The following SCIMP variants were observed in gnomAD, a reference collection of about 807,000 sequenced individuals.
SCIMP encodes SLP adapter and CSK-interacting membrane protein.
Under a neutral mutation model 22.0 loss-of-function variants are expected in SCIMP, and 18 were observed. The observed-to-expected ratio is 0.82, with a 90% CI of 0.56 to 1.21. The LOEUF (loss-of-function observed/expected upper bound fraction) is 1.21, where lower values mean the gene tolerates loss of function less well. Among genes scored for constraint, SCIMP ranks in the 50% most tolerant of loss-of-function variants. The probability of loss-of-function intolerance (pLI) is 0.00; values close to 1 mark genes in which losing one functional copy is unlikely to be tolerated. For synonymous variants in SCIMP, 53 were observed against 62.2 expected, an observed-to-expected ratio of 0.85 and a Z score of 0.70; for missense variants, 155 against 171.2, an observed-to-expected ratio of 0.91 and a Z score of 0.53.
intron 1 of SCIMP, among the ~76,000 whole-genome samples, chr17:5,234,413 C>T (rs755398903): frequency 4.6e-5 from 7 of 150,856 alleles, no homozygotes; most frequent in Non-Finnish European, 8.8e-5. Context: ...TAACTCGTTA[C>T]AGTTGAGACC....
In SCIMP at chr17:5,234,812, G is replaced by C; in HGVS notation, c.-57C>G. 1 of 1,583,190 alleles carries C rather than the reference G, an allele frequency of 6.3e-7. No individual in the cohort carries two copies. The highest frequency in any genetic ancestry group is 8.6e-7 in the Non-Finnish European group (1 of 1,164,220). On this transcript the variant is annotated 5_prime_UTR_variant, in exon 1 of 5. Transcript: ENST00000574081. ...GAGTGCTGCAGCTCAGGCACAGCTG[G>C]TGAGAGGCATTCCTCACTCACAGGC...
At chr17:5,229,889 ACTCCT>A (rs749550279) in intron 1 of SCIMP, among the ~76,000 whole-genome samples, 48 of 80,292 alleles carry the variant, frequency 6.0e-4, no homozygotes, top group Non-Finnish European at 9.1e-4. Flanking sequence ...TCTCCTCTCC[ACTCCT>A]CTCCTCTCCG....
chr17:5,230,548 GA>G (rs576855952), intron 1 of SCIMP, among the ~76,000 whole-genome samples: 19 of 152,250 alleles, frequency 1.2e-4, no homozygotes, highest in African/African-American at 4.6e-4. Flanking sequence ...AGGTGGGAGT[GA>G]ACCCGAGGGC....
chr17:5,231,120 G>T (rs1212691631), intron 1 of SCIMP, among the ~76,000 whole-genome samples: 4 of 152,120 alleles, frequency 2.6e-5, no homozygotes, highest in African/African-American at 9.7e-5. Flanking sequence ...AGCACTTTGG[G>T]AGGCCAAGGT....
At position 5,213,050 on chromosome 17, in the gene SCIMP, A is replaced by G. The variant is rs929110817; in HGVS notation, c.283+1875T>C. On this transcript the variant is annotated intron_variant, in intron 4 of 4. Coordinates refer to ENST00000574081, the MANE Select transcript of SCIMP (RefSeq NM_207103.3). ...CTGAGCTGACATCTGAAGGATGAGG[A>G]AAATCCAGCGAGGCAAAGAGCTTAA... The G allele has an allele frequency of 2.3e-4, 133 of 581,326 alleles. 1 individual carries two copies. In the African/African-American group the frequency reaches 7.1e-3, roughly 31 times the overall value. The allele number at this position is 581,326 out of a possible 1,614,324, so 36.0% of individuals were successfully genotyped here.
chr17:5,215,806 A>G (rs1219190229), intron 3 of SCIMP, among the ~76,000 whole-genome samples: 1 of 152,178 alleles, frequency 6.6e-6, no homozygotes, highest in Non-Finnish European at 1.5e-5. Context: ...CACGACCTGT[A>G]TTAGTCTGGG....
intron 1 of SCIMP, among the ~76,000 whole-genome samples, chr17:5,224,443 TTTG>T (rs1409536163): frequency 6.1e-3 from 3 of 492 alleles, no homozygotes; most frequent in African/African-American, 6.9e-3. Context: ...GGCCAGTTTT[TTTG>T]TTTGTTTGTT....
intron 1 of SCIMP, among the ~76,000 whole-genome samples, chr17:5,231,569 A>G (rs2074694469): frequency 6.6e-6 from 1 of 152,068 alleles, no homozygotes; most frequent in African/African-American, 2.4e-5. Context: ...AAGAACGATG[A>G]AGCTTGACTA....
At position 5,209,555 on chromosome 17, in the gene SCIMP, C is replaced by G. The variant is rs2074512289; in HGVS notation, c.*1246G>C. 6.6e-6 allele frequency: 1 copy of G among 152,186 alleles called. No homozygotes were observed. 9.4% of individuals were successfully genotyped at this position (152,186 alleles called of 1,614,324 possible). ...TCTTGAGGGAAATCTGAGTCACTCTCAGGCCTTTCCAGGTTCACAGTGCTC... is the reference window on the plus strand; with the variant it reads ...TCTTGAGGGAAATCTGAGTCACTCTGAGGCCTTTCCAGGTTCACAGTGCTC... On this transcript the variant is annotated 3_prime_UTR_variant, in exon 5 of 5. Transcript: ENST00000574081.
At chr17:5,213,026 T>TTTTTTTTTTTTTTTTTTTTTTTTTTTTGG (rs1555612865) in intron 4 of SCIMP, 1 of 596,396 alleles carries the variant, frequency 1.7e-6, no homozygotes. Flanking sequence ...TGGTAACTTC[T>TTTTTTTTTTTTTTTTTTTTTTTTTTTTGG]GAGCTGACAT....
chr17:5,227,362 G>A (rs1165913521), intron 1 of SCIMP, among the ~76,000 whole-genome samples: 3 of 150,970 alleles, frequency 2.0e-5, no homozygotes, highest in Non-Finnish European at 4.4e-5. Flanking sequence ...TGTGCCTATA[G>A]TCACAGCTAC....
chr17:5,221,756 T>C (rs1205163287), intron 2 of SCIMP, among the ~76,000 whole-genome samples: 2 of 152,184 alleles, frequency 1.3e-5, no homozygotes, highest in Admixed American at 1.3e-4. Flanking sequence ...CATTCCTTTG[T>C]CCATATTTGA....
At chr17:5,215,111 T>C (rs986495888) in intron 3 of SCIMP, 113 bp from the exon 4 acceptor site, 19 of 725,386 alleles carry the variant, frequency 2.6e-5, no homozygotes, top group Non-Finnish European at 4.8e-5. Context: ...CAAATCTTGG[T>C]CTCTACTAAT....
At chr17:5,222,018 C>T (rs1421062498) in intron 2 of SCIMP, among the ~76,000 whole-genome samples, 1 of 152,090 alleles carries the variant, frequency 6.6e-6, no homozygotes, top group Non-Finnish European at 1.5e-5. Context: ...AAGTGATCCA[C>T]CCGCCTCAGC....
intron 4 of SCIMP, among the ~76,000 whole-genome samples, chr17:5,212,135 C>T (rs2074530399): frequency 6.6e-6 from 1 of 152,140 alleles, no homozygotes; most frequent in East Asian, 1.9e-4. Context: ...TGAAACAGCT[C>T]AGCTCCATCT....
intron 1 of SCIMP, among the ~76,000 whole-genome samples, chr17:5,226,073 T>A (rs190740210): frequency 6.6e-6 from 1 of 152,268 alleles, no homozygotes; most frequent in Non-Finnish European, 1.5e-5. Context: ...AAAACACCGC[T>A]TGCAGAGTTT....
chr17:5,228,392 T>G (rs2074668289), intron 1 of SCIMP, among the ~76,000 whole-genome samples: 1 of 148,048 alleles, frequency 6.8e-6, no homozygotes, highest in South Asian at 2.1e-4. Context: ...ACCTGTAATC[T>G]CAACAGTTTT....
chr17:5,231,090 T>C (rs1436987911), intron 1 of SCIMP, among the ~76,000 whole-genome samples: 2 of 152,202 alleles, frequency 1.3e-5, no homozygotes, highest in Admixed American at 1.3e-4. Context: ...CTGGGCACGG[T>C]GGCTCACGCC....
intron 1 of SCIMP, among the ~76,000 whole-genome samples, chr17:5,233,481 T>TC (rs1434298550): frequency 1.3e-5 from 2 of 152,166 alleles, no homozygotes; most frequent in Admixed American, 6.6e-5. Flanking sequence ...CAAACGATTC[T>TC]CCTGCCTCAG....
Sources: allele counts gnomAD v4.1 joint callset (sites outside exome capture counted in the v4.1 genomes callset), GRCh38; gene constraint gnomAD v4.1.1; transcripts MANE v1.5; gene names NCBI Gene and HGNC (gene_info 2026-07-23, HGNC 2026-07-21).